TYW1: variants seen among roughly 807,000 people sequenced by gnomAD.
TYW1 encodes tRNA-yW synthesizing protein 1 homolog.
In TYW1, 46 loss-of-function variants were observed where a neutral mutation model predicts 96.2. The ratio of observed to expected loss-of-function variants is 0.48; its 90% confidence interval spans 0.38 to 0.61. TYW1 has a LOEUF of 0.61. TYW1 is among the 20% of genes least tolerant of loss of function. TYW1 has a pLI of 0.00. For synonymous variants in TYW1, 274 were observed against 323.0 expected (o/e 0.85, Z 1.63); for missense variants, 684 against 909.6 (o/e 0.75, Z 3.19).
intron 13 of TYW1, among the ~76,000 whole-genome samples, chr7:67,167,974 C>G (rs1330165564): frequency 6.6e-6 from 1 of 152,008 alleles, no homozygotes; most frequent in Admixed American, 6.6e-5. Context: ...AGGCTTGTCT[C>G]GAACTCCTGA....
At chr7:67,009,974 TTTTTTCTTTTC>T (rs757448306) in intron 4 of TYW1, among the ~76,000 whole-genome samples, 5,170 of 151,282 alleles carry the variant, frequency 0.034, 128 homozygotes, top group Middle Eastern at 0.097. Flanking sequence ...CACAATTTTC[TTTTTTCTTTTC>T]TTTTTTTTTT....
At position 67,005,053 on chromosome 7, in the gene TYW1, G is replaced by A. The variant is rs545008861; in HGVS notation, c.274-4530G>A. ...TTACAGATGTGAGCCACCATGCCCT[G>A]CTTGAAATTTCTTTTCTTTAAGAAT... On this transcript the variant is annotated intron_variant, in intron 3 of 15. Coordinates refer to ENST00000359626, the MANE Select transcript of TYW1 (RefSeq NM_018264.4). Among the ~76,000 whole-genome samples the A allele has an allele frequency of 6.1e-3, 930 of 152,228 alleles. 2 individuals carry two copies. Among genetic ancestry groups the A allele is most frequent in the Non-Finnish European group, 9.9e-3 (676 of 68,020 alleles).
At chr7:67,182,750 T>G (rs1174023111) in intron 13 of TYW1, among the ~76,000 whole-genome samples, 3 of 147,490 alleles carry the variant, frequency 2.0e-5, no homozygotes, top group Admixed American at 2.0e-4. Flanking sequence ...CTTGGGTGAT[T>G]ATTACCTGAA....
intron 7 of TYW1, among the ~76,000 whole-genome samples, chr7:67,029,409 G>GTATATATATACACATATATATATACATA: frequency 9.3e-6 from 1 of 107,142 alleles, no homozygotes; most frequent in Admixed American, 1.1e-4. Flanking sequence ...GTGTGTGTGT[G>GTATATATATACACATATATATATACATA]TGTGTGTATA....
At chr7:67,023,105 T>G (rs1223879447) in intron 6 of TYW1, among the ~76,000 whole-genome samples, 2 of 152,174 alleles carry the variant, frequency 1.3e-5, no homozygotes, top group Non-Finnish European at 2.9e-5. Flanking sequence ...TTTTTTCTTT[T>G]CTTTTTTTTG....
intron 9 of TYW1, among the ~76,000 whole-genome samples, chr7:67,060,519 T>A (rs1795664498): frequency 6.6e-6 from 1 of 152,284 alleles, no homozygotes; most frequent in Non-Finnish European, 1.5e-5. Context: ...AGAGACCTGC[T>A]GTAACCCTAT....
chr7:67,024,904 A>G lies in TYW1; in HGVS notation c.866A>G (p.Glu289Gly), dbSNP rs183361487. 2 of 1,613,820 alleles carry G rather than the reference A, an allele frequency of 1.2e-6. No homozygotes were observed. The highest frequency in any genetic ancestry group is 1.1e-5 in the South Asian group (1 of 91,062). ...DELHHRDTEE[E>G]EPFESSSEEE... is the part of the protein sequence containing the mutation. ...TCTGAAGCATTTCTCTTCCAGGAGG[A>G]AGAACCCTTTGAGAGCTCCAGTGAA... The change falls in exon 7 of 16, where the codon GAA (glutamate) becomes GGA (glycine). Residue 289 changes from glutamate (E) to glycine (G), a missense_variant. Physicochemically the swap from Glu to Gly is moderately conservative, Grantham distance 98. Coordinates refer to ENST00000359626, the MANE Select transcript of TYW1 (RefSeq NM_018264.4).
rs1036460247 is a variant in TYW1 at position 67,033,876 on chromosome 7, G to C, written c.984+8854G>C. ...TGCCTGGCTAATTTTTATATGTTTA[G>C]TAGAGACGAGGTTTCACCATCTTGG... On this transcript the variant is annotated intron_variant, in intron 7 of 15. Transcript: ENST00000359626. Among the ~76,000 whole-genome samples, 4 of 150,644 alleles carry C rather than the reference G, an allele frequency of 2.7e-5. No individual in the cohort carries two copies. The East Asian group carries it at 6.0e-4, about 23-fold the overall frequency.
At chr7:67,138,100 A>AC (rs1798326821) in intron 13 of TYW1, among the ~76,000 whole-genome samples, 1 of 152,040 alleles carries the variant, frequency 6.6e-6, no homozygotes, top group African/African-American at 2.4e-5. Context: ...CTTTGCAGAC[A>AC]CCCCACACTT....
intron 15 of TYW1, among the ~76,000 whole-genome samples, chr7:67,206,837 T>C (rs1216253281): frequency 2.0e-5 from 3 of 152,210 alleles, no homozygotes; most frequent in Non-Finnish European, 4.4e-5. Context: ...CCAAGCTTAT[T>C]GTTTCTCTAC....
chr7:67,028,306 G>GAA (rs1794527931), intron 7 of TYW1, among the ~76,000 whole-genome samples: 1 of 150,894 alleles, frequency 6.6e-6, no homozygotes, highest in South Asian at 2.1e-4. Context: ...CCCACACTTT[G>GAA]AGAGGCCAAG....
chr7:67,189,346 T>C (rs1800129869), intron 14 of TYW1, among the ~76,000 whole-genome samples: 1 of 151,886 alleles, frequency 6.6e-6, no homozygotes. Flanking sequence ...GTGTGTGGTG[T>C]GTGCACTTGT....
chr7:67,032,942 G>GCT (rs1418516240), intron 7 of TYW1, among the ~76,000 whole-genome samples: 1 of 123,588 alleles, frequency 8.1e-6, no homozygotes, highest in Non-Finnish European at 1.6e-5. Flanking sequence ...TCTCATCCAG[G>GCT]CTGGGGTGCA....
At chr7:67,096,737 C>T (rs1440182161) in intron 11 of TYW1, among the ~76,000 whole-genome samples, 2 of 152,074 alleles carry the variant, frequency 1.3e-5, no homozygotes, top group African/African-American at 2.4e-5. Context: ...TTCTCCCACC[C>T]TCCACCCTCT....
At chr7:67,102,887 A>G (rs35445380) in intron 12 of TYW1, among the ~76,000 whole-genome samples, 113 of 152,176 alleles carry the variant, frequency 7.4e-4, no homozygotes, top group African/African-American at 1.8e-3. Context: ...CTGACCTCGT[A>G]ATCCGCCCGC....
At position 67,117,494 on chromosome 7, in the gene TYW1, C is replaced by T. The variant is rs745421574; in HGVS notation, c.1574C>T (p.Pro525Leu). The T allele has an allele frequency of 1.1e-5, 18 of 1,602,068 alleles. No individual in the cohort carries two copies. In the East Asian group the frequency reaches 1.8e-4, roughly 16 times the overall value. The change falls in exon 13 of 16, where the codon CCG (proline) becomes CTG (leucine). Residue 525 changes from proline (P) to leucine (L), a missense_variant. Pro to Leu is a moderately conservative substitution (Grantham distance 98, BLOSUM62 -3). Coordinates refer to ENST00000359626, the MANE Select transcript of TYW1 (RefSeq NM_018264.4). ...QFPAEIRNLE[P>L]VTQLYVSVDA... ...AAAATATTACTAAGGAACCTCGAGC[C>T]GGTTACTCAGCTGTATGTCAGTGTG...
chr7:67,099,344 T>G, intron 12 of TYW1, among the ~76,000 whole-genome samples: 1 of 152,162 alleles, frequency 6.6e-6, no homozygotes, highest in East Asian at 1.9e-4. Context: ...ATTTTTATCT[T>G]TATGTCTGGG....
intron 3 of TYW1, among the ~76,000 whole-genome samples, chr7:67,003,603 A>G (rs1414043801): frequency 1.3e-5 from 2 of 151,932 alleles, no homozygotes; most frequent in Non-Finnish European, 2.9e-5. Context: ...ATTCTTGCCT[A>G]CAAAGGTTAA....
At chr7:67,016,862 C>A (rs972165793) in intron 5 of TYW1, among the ~76,000 whole-genome samples, 2 of 152,070 alleles carry the variant, frequency 1.3e-5, no homozygotes, top group Non-Finnish European at 2.9e-5. Context: ...CGGGCTTGAG[C>A]ATTCTTCTCA....
Sources: allele counts gnomAD v4.1 joint callset (sites outside exome capture counted in the v4.1 genomes callset), GRCh38; gene constraint gnomAD v4.1.1; transcripts MANE v1.5; gene names NCBI Gene and HGNC (gene_info 2026-07-23, HGNC 2026-07-21).